Variants in KIAA1328 observed in about 807,000 individuals in gnomAD.
KIAA1328 encodes protein hinderin.
In KIAA1328, 52 loss-of-function variants were observed where a neutral mutation model predicts 68.1. The ratio of observed to expected loss-of-function variants is 0.76; its 90% CI spans 0.61 to 0.96. The LOEUF is 0.96. Ranked by LOEUF, KIAA1328 falls within the 40% of genes least tolerant of loss-of-function variation. The pLI is 0.00. For missense variants in KIAA1328, 641 were observed against 677.6 expected (o/e 0.95, Z 0.60); for synonymous variants, 232 against 239.4 (o/e 0.97, Z 0.28).
chr18:37,024,828 C>A lies in KIAA1328; in HGVS notation c.577-42062C>A, dbSNP rs917118683. Among the ~76,000 whole-genome samples, 5 of 151,968 alleles carry A rather than the reference C, an allele frequency of 3.3e-5. No homozygotes were observed. The South Asian group carries it at 1.0e-3, about 32-fold the overall frequency. On this transcript the variant is annotated intron_variant, in intron 6 of 9. Coordinates refer to ENST00000280020, the MANE Select transcript of KIAA1328 (RefSeq NM_020776.3). ...GTCTTTGCTATTGTGAATAGTGATG[C>A]AAAAAACATACATGTGCATGTGTCT... is the stretch of plus-strand genomic sequence containing the variant.
At chr18:37,160,099 T>A in intron 7 of KIAA1328, 101 bp from the exon 8 acceptor site, 1 of 840,974 alleles carries the variant, frequency 1.2e-6, no homozygotes, top group East Asian at 2.9e-5. Flanking sequence ...ATAAAGAGAG[T>A]TCTTAATGAA....
intron 6 of KIAA1328, among the ~76,000 whole-genome samples, chr18:37,031,367 G>T (rs2054820835): frequency 6.6e-6 from 1 of 151,854 alleles, no homozygotes; most frequent in Admixed American, 6.6e-5. Flanking sequence ...TCAAATTTAG[G>T]ATTATTATAT....
intron 6 of KIAA1328, among the ~76,000 whole-genome samples, chr18:36,988,548 C>A (rs991395983): frequency 6.6e-6 from 1 of 152,184 alleles, no homozygotes; most frequent in Non-Finnish European, 1.5e-5. Context: ...GTTTGGCAAG[C>A]TGCATTATTC....
At position 37,121,471 on chromosome 18, in the gene KIAA1328, G is replaced by GATCT. The variant is rs370158496; in HGVS notation, c.1233-38721_1233-38718dup. Among the ~76,000 whole-genome samples, 1,192 of 143,054 alleles carry GATCT rather than the reference G, an allele frequency of 8.3e-3. 17 individuals carry two copies. The highest frequency in any genetic ancestry group is 0.029 in the African/African-American group (1,117 of 39,014). 93.8% of individuals were successfully genotyped at this position (143,054 alleles called of 152,430 possible). A position where few individuals can be genotyped will look rare whatever the true frequency, so the allele number is the denominator to read the frequency against. The stretch of plus-strand genomic sequence containing the variant: ...CTATCTATCTATCTATGCATCTATC[G>GATCT]ATCTATCTATCCATCTATCGTTACA... On this transcript the variant is annotated intron_variant, in intron 7 of 9. Transcript: ENST00000280020.
At chr18:37,125,721 A>G (rs544311671) in intron 7 of KIAA1328, among the ~76,000 whole-genome samples, 2 of 152,328 alleles carry the variant, frequency 1.3e-5, no homozygotes, top group South Asian at 4.1e-4. Flanking sequence ...GTCATCCCTA[A>G]TCTGAAATGC....
At chr18:36,960,319 G>A (rs1207565066) in intron 6 of KIAA1328, among the ~76,000 whole-genome samples, 2 of 152,230 alleles carry the variant, frequency 1.3e-5, no homozygotes, top group African/African-American at 4.8e-5. Context: ...CGAACTGGAT[G>A]GAGCCCACCG....
intron 5 of KIAA1328, among the ~76,000 whole-genome samples, chr18:36,942,138 A>T (rs146442519): frequency 6.6e-6 from 1 of 152,228 alleles, no homozygotes; most frequent in African/African-American, 2.4e-5. Context: ...AACACCATCT[A>T]TTAGTAGGTA....
intron 4 of KIAA1328, among the ~76,000 whole-genome samples, chr18:36,876,542 G>A (rs1409955896): frequency 6.6e-6 from 1 of 151,998 alleles, no homozygotes; most frequent in Non-Finnish European, 1.5e-5. Context: ...ATATTTTACT[G>A]TGTATATTTC....
At chr18:37,145,090 C>G (rs552514293) in intron 7 of KIAA1328, among the ~76,000 whole-genome samples, 61 of 152,106 alleles carry the variant, frequency 4.0e-4, no homozygotes, top group Admixed American at 6.5e-4. Context: ...CAAAAAGTAG[C>G]CAGGCATGAT....
chr18:37,117,420 C>T (rs985172044), intron 7 of KIAA1328, among the ~76,000 whole-genome samples: 1 of 152,166 alleles, frequency 6.6e-6, no homozygotes, highest in Admixed American at 6.6e-5. Flanking sequence ...CATGTTCTCA[C>T]TCATAGGTGG....
chr18:36,911,791 T>G (rs1027189336), intron 5 of KIAA1328, among the ~76,000 whole-genome samples: 3 of 152,208 alleles, frequency 2.0e-5, no homozygotes, highest in Non-Finnish European at 2.9e-5. Context: ...TGTAACAGCT[T>G]CGACCTTATA....
intron 7 of KIAA1328, among the ~76,000 whole-genome samples, chr18:37,127,524 T>C (rs2058421778): frequency 6.6e-6 from 1 of 152,088 alleles, no homozygotes; most frequent in Non-Finnish European, 1.5e-5. Context: ...ACCTGGGCAA[T>C]GTAGGGGGAC....
intron 7 of KIAA1328, among the ~76,000 whole-genome samples, chr18:37,105,112 A>G (rs1031243444): frequency 1.3e-5 from 2 of 152,204 alleles, no homozygotes; most frequent in Non-Finnish European, 2.9e-5. Flanking sequence ...CTTCAGCAAC[A>G]TGACTGATTA....
intron 7 of KIAA1328, among the ~76,000 whole-genome samples, chr18:37,131,023 G>A (rs1308739277): frequency 1.3e-5 from 2 of 152,166 alleles, no homozygotes; most frequent in East Asian, 3.9e-4. Context: ...TACTCATCAC[G>A]TCAAATCTTT....
chr18:36,882,834 G>T (rs1233103999), intron 4 of KIAA1328, among the ~76,000 whole-genome samples: 1 of 152,104 alleles, frequency 6.6e-6, no homozygotes, highest in Non-Finnish European at 1.5e-5. Context: ...TAATGTTAAG[G>T]TAAACCTGTG....
At chr18:37,108,325 A>G (rs913955204) in intron 7 of KIAA1328, among the ~76,000 whole-genome samples, 1 of 151,962 alleles carries the variant, frequency 6.6e-6, no homozygotes, top group Non-Finnish European at 1.5e-5. Context: ...CATTGAGCAC[A>G]CATAAACTAA....
downstream of KIAA1328, among the ~76,000 whole-genome samples, chr18:37,228,624 G>C (rs2060651205): frequency 6.6e-6 from 1 of 152,074 alleles, no homozygotes; most frequent in South Asian, 2.1e-4. Flanking sequence ...TTCAAGACCA[G>C]CCTGACCAAC....
At chr18:37,046,323 G>A (rs572348031) in intron 6 of KIAA1328, among the ~76,000 whole-genome samples, 61 of 152,258 alleles carry the variant, frequency 4.0e-4, no homozygotes, top group African/African-American at 1.4e-3. Flanking sequence ...TGTTAGTTTT[G>A]ATGAGGGCTT....
At chr18:37,058,114 T>TTG (rs1169520225) in intron 6 of KIAA1328, among the ~76,000 whole-genome samples, 3 of 151,888 alleles carry the variant, frequency 2.0e-5, no homozygotes, top group African/African-American at 7.3e-5. Context: ...CTTTCTAGGG[T>TTG]TGTTCTGTAG....
Sources: gnomAD v4.1 joint callset for allele counts (sites outside exome capture counted in the v4.1 genomes callset) on GRCh38, gnomAD v4.1.1 for gene constraint, MANE v1.5 for transcripts, NCBI Gene and HGNC (gene_info 2026-07-23, HGNC 2026-07-21) for gene names.